The following PAPOLA variants were observed in gnomAD, a reference collection of about 807,000 sequenced individuals.
PAPOLA encodes poly(A) polymerase alpha.
In PAPOLA, 15 loss-of-function variants were observed where a neutral mutation model predicts 100.6. The observed-to-expected ratio is 0.15, with a 90% CI of 0.10 to 0.23. The LOEUF (loss-of-function observed/expected upper bound fraction) is 0.23. PAPOLA is among the 10% of genes least tolerant of loss of function. The pLI is 1.00. For missense variants in PAPOLA, 533 were observed against 884.2 expected, an observed-to-expected ratio of 0.60 and a Z score of 5.04; for synonymous variants, 293 against 300.0, an observed-to-expected ratio of 0.98 and a Z score of 0.24.
intron 17 of PAPOLA, among the ~76,000 whole-genome samples, chr14:96,555,256 T>G (rs61983074): frequency 0.026 from 3,873 of 150,330 alleles, 75 homozygotes; most frequent in South Asian, 0.046. Context: ...TTTTTTTTCT[T>G]GTAGAGACGA....
intron 1 of PAPOLA, among the ~76,000 whole-genome samples, chr14:96,516,434 G>T (rs1355678927): frequency 6.7e-6 from 1 of 149,526 alleles, no homozygotes; most frequent in East Asian, 2.0e-4. Flanking sequence ...AAACTCCTGG[G>T]CTCAAGCCAT....
chr14:96,562,779 A>T, intron 20 of PAPOLA, 40 bp from the exon 21 acceptor site: 2 of 1,216,696 alleles, frequency 1.6e-6, no homozygotes, highest in Non-Finnish European at 2.4e-6. Context: ...ATTCTTTTTT[A>T]AGTCTCTTTT....
At chr14:96,549,988 A>T (rs1490786736) in intron 16 of PAPOLA, among the ~76,000 whole-genome samples, 1 of 151,678 alleles carries the variant, frequency 6.6e-6, no homozygotes, top group Non-Finnish European at 1.5e-5. Context: ...CTCCGTCTCT[A>T]AAAAAAAATT....
chr14:96,550,857 C>T (rs951918165), intron 16 of PAPOLA, among the ~76,000 whole-genome samples: 2 of 152,142 alleles, frequency 1.3e-5, no homozygotes, highest in Admixed American at 6.5e-5. Context: ...TTATAAATAG[C>T]TTCCTTTTAT....
chr14:96,523,664 A>C (rs1049511815), intron 3 of PAPOLA, among the ~76,000 whole-genome samples: 1 of 152,198 alleles, frequency 6.6e-6, no homozygotes, highest in Non-Finnish European at 1.5e-5. Flanking sequence ...ACAACATTAC[A>C]GCCAGGCGCA....
At chr14:96,521,136 T>G in intron 3 of PAPOLA, 64 bp downstream of exon 3, 2 of 780,232 alleles carry the variant, frequency 2.6e-6, no homozygotes, top group South Asian at 2.9e-5. Flanking sequence ...AGCAAGTGTC[T>G]TATATAACCT....
intron 12 of PAPOLA, chr14:96,537,985 C>T (rs1354814102): frequency 6.6e-6 from 1 of 151,930 alleles, no homozygotes; most frequent in East Asian, 1.9e-4. Flanking sequence ...CGAAGCACTA[C>T]GTTGTCAGTA....
rs751042121 is a variant in PAPOLA at position 96,528,017 on chromosome 14, G to A, written c.495+11G>A. On this transcript the variant is annotated intron_variant, in intron 6 of 21. Transcript: ENST00000216277. ...TTTGATGGGATAGAGGTAAGGTATA[G>A]TTCAAATTGACAGTTCTTGCTATGT... 3.2e-6 allele frequency: 5 copies of A among 1,574,636 alleles called. No individual in the cohort carries two copies. The East Asian group carries it at 1.1e-4, about 35-fold the overall frequency.
intron 16 of PAPOLA, among the ~76,000 whole-genome samples, chr14:96,550,043 G>A (rs1295464543): frequency 6.6e-6 from 1 of 152,190 alleles, no homozygotes; most frequent in African/African-American, 2.4e-5. Context: ...AGCTACTTGA[G>A]AGGCTGAGGT....
chr14:96,543,374 TTTTA>T (rs1199741767), intron 14 of PAPOLA, among the ~76,000 whole-genome samples: 3 of 152,096 alleles, frequency 2.0e-5, no homozygotes, highest in Non-Finnish European at 4.4e-5. Context: ...TTTAGGGGTC[TTTTA>T]TTTATGTAGG....
At chr14:96,509,275 C>G (rs1326331643) in intron 1 of PAPOLA, among the ~76,000 whole-genome samples, 1 of 152,186 alleles carries the variant, frequency 6.6e-6, no homozygotes, top group Non-Finnish European at 1.5e-5. Context: ...CAAGCAATCC[C>G]ACCTTGGCCT....
chr14:96,532,437 T>C lies in PAPOLA; in HGVS notation c.697+17T>C. The stretch of plus-strand genomic sequence containing the variant: ...GGGCCAAACGTGAGTTCAGAATTTG[T>C]TGGCTAGCTTATTAAAAATGTTCAA... On this transcript the variant is annotated intron_variant, in intron 8 of 21. Coordinates refer to ENST00000216277, the MANE Select transcript of PAPOLA (RefSeq NM_032632.5). The C allele has an allele frequency of 6.2e-7, 1 of 1,605,446 alleles. No individual in the cohort carries two copies. Among genetic ancestry groups the C allele is most frequent in the Non-Finnish European group, 8.5e-7 (1 of 1,177,806 alleles).
At chr14:96,556,858 G>A (rs1901384913) in intron 19 of PAPOLA, among the ~76,000 whole-genome samples, 4 of 152,164 alleles carry the variant, frequency 2.6e-5, no homozygotes, top group Admixed American at 2.6e-4. Flanking sequence ...GGTTCTCAGG[G>A]ACTTCTTACT....
In PAPOLA at chr14:96,532,344, C is replaced by G. The variant is rs368898904; in HGVS notation, c.621C>G (p.Thr207=). 2.5e-6 allele frequency: 4 copies of G among 1,611,014 alleles called. No individual in the cohort carries two copies. Among genetic ancestry groups the G allele is most frequent in the Non-Finnish European group, 2.5e-6 (3 of 1,179,198 alleles). The change falls in exon 8 of 22, where the codon ACC becomes ACG. Residue 207 remains threonine, a synonymous_variant. Transcript: ENST00000216277. Reference sequence around the variant, plus strand: ...CCTATTAATTAGGTTGCAGGGTAACCGATGAAATTTTACATCTAGTACCAA... The same window carrying G: ...CCTATTAATTAGGTTGCAGGGTAACGGATGAAATTTTACATCTAGTACCAA... ...CIRSLNGCRV[T]DEILHLVPNI...
At chr14:96,536,172 T>A (rs1170066778) in intron 11 of PAPOLA, among the ~76,000 whole-genome samples, 173 bp downstream of exon 11, 1 of 152,140 alleles carries the variant, frequency 6.6e-6, no homozygotes, top group African/African-American at 2.4e-5. Context: ...ATTAATTCCT[T>A]TTAGGCAATT....
At chr14:96,534,332 T>G in intron 9 of PAPOLA, 159 bp from the exon 10 acceptor site, 3 of 1,378,898 alleles carry the variant, frequency 2.2e-6, no homozygotes, top group Non-Finnish European at 2.8e-6. Flanking sequence ...AGAAAAAGAT[T>G]TTGAGTAGTC....
Position 96,542,287 on chromosome 14 carries a change from G to A in PAPOLA, c.1160G>A (p.Arg387His), listed in dbSNP as rs766022830. The A allele has an allele frequency of 3.8e-6, 6 of 1,594,062 alleles. No individual in the cohort carries two copies. The highest frequency in any genetic ancestry group is 2.7e-5 in the African/African-American group (2 of 74,510). Residue 387 changes from arginine to histidine, a missense_variant, in exon 13 of 22, where the codon CGC (arginine) becomes CAC (histidine). This residue lies in a region of PAPOLA where 87 missense variants were observed against 173.3 expected (regional missense o/e 0.50). Transcript: ENST00000216277. ...LLASAPTEKQRLEWVGLVESK... is the reference protein window; with the variant it reads ...LLASAPTEKQHLEWVGLVESK... ...GCAAGTGCACCAACAGAAAAACAAC[G>A]CCTGGAATGGTGAGTATAAGAATAG...
chr14:96,511,354 C>T (rs996511492), intron 1 of PAPOLA, among the ~76,000 whole-genome samples: 11 of 151,844 alleles, frequency 7.2e-5, no homozygotes, highest in Non-Finnish European at 1.2e-4. Flanking sequence ...TGAGCCCAGG[C>T]GTTCGACACC....
intron 18 of PAPOLA, 53 bp from the exon 19 acceptor site, chr14:96,556,122 T>C (rs1340610102): frequency 7.0e-7 from 1 of 1,422,360 alleles, no homozygotes; most frequent in East Asian, 2.3e-5. Context: ...ACTTACAACT[T>C]GATACTGATT....
Sources: allele counts gnomAD v4.1 joint callset (sites outside exome capture counted in the v4.1 genomes callset), GRCh38; gene constraint gnomAD v4.1.1; regional missense constraint gnomAD v4.1.1; transcripts MANE v1.5; gene names NCBI Gene and HGNC (gene_info 2026-07-23, HGNC 2026-07-21).